Variants in PABIR3 observed in about 807,000 individuals in gnomAD.
PABIR3 encodes PABIR family member 1.
In PABIR3, 20 loss-of-function variants were observed where a neutral mutation model predicts 23.1. The observed-to-expected ratio is 0.86, with a 90% CI of 0.61 to 1.26. PABIR3 has a LOEUF of 1.26. Among genes scored for constraint, PABIR3 ranks in the 50% most tolerant of loss-of-function variants. PABIR3 has a pLI of 0.00. For missense variants in PABIR3, 189 were observed against 195.4 expected, an observed-to-expected ratio of 0.97 and a Z score of 0.20; for synonymous variants, 69 against 68.5, an observed-to-expected ratio of 1.01 and a Z score of -0.04.
chrX:134,845,553 TTTTTAA>T (rs1449916308), intron 6 of PABIR3, 152 bp downstream of exon 6: 4 of 483,242 alleles, frequency 8.3e-6, no homozygotes, highest in Non-Finnish European at 1.3e-5. Flanking sequence ...TTGAGTGCTC[TTTTTAA>T]TTTTTTTTTT....
chrX:134,809,430 G>C, intron 2 of PABIR3: 1 of 670,632 alleles, frequency 1.5e-6, no homozygotes, highest in Non-Finnish European at 1.8e-6. Flanking sequence ...CTCCCAAAGT[G>C]TTGGGATTAC....
upstream of PABIR3, among the ~76,000 whole-genome samples, chrX:134,803,809 T>C (rs1603116999): frequency 8.9e-6 from 1 of 111,883 alleles, no homozygotes; most frequent in East Asian, 2.8e-4. Context: ...ATGCATGCAC[T>C]GACCTCAGGA....
intron 3 of PABIR3, among the ~76,000 whole-genome samples, chrX:134,824,500 TAAA>T (rs1484443413): frequency 1.8e-5 from 2 of 112,033 alleles, no homozygotes; most frequent in African/African-American, 3.2e-5. Context: ...CTATTTCTGT[TAAA>T]AACAAAAAGA....
intron 4 of PABIR3, among the ~76,000 whole-genome samples, chrX:134,830,030 A>T (rs2081697789): frequency 2.7e-5 from 3 of 111,707 alleles, no homozygotes; most frequent in Non-Finnish European, 5.6e-5. Flanking sequence ...GTCTCATTTT[A>T]TCTTACAACA....
At chrX:134,845,457 G>A in intron 6 of PABIR3, 56 bp downstream of exon 6, 1 of 940,502 alleles carries the variant, frequency 1.1e-6, no homozygotes, top group Admixed American at 3.1e-5. Context: ...CTGACTTACA[G>A]TGTCGGCATA....
chrX:134,811,092 A>G, intron 2 of PABIR3: 1 of 750,342 alleles, frequency 1.3e-6, no homozygotes, highest in Non-Finnish European at 1.6e-6. Flanking sequence ...TGTTTCTTTC[A>G]TATCAACTCT....
At chrX:134,822,536 C>G in intron 3 of PABIR3, 1 of 754,168 alleles carries the variant, frequency 1.3e-6, no homozygotes, top group Non-Finnish European at 1.6e-6. Flanking sequence ...AGTCTATCTT[C>G]TCATGATTTC....
chrX:134,813,343 A>G (rs2080780049), intron 2 of PABIR3, among the ~76,000 whole-genome samples: 1 of 112,355 alleles, frequency 8.9e-6, no homozygotes. Flanking sequence ...GAGAAGGGAA[A>G]GAAGAGAGGC....
At chrX:134,817,073 C>T (rs1381367032) in intron 3 of PABIR3, among the ~76,000 whole-genome samples, 1 of 111,350 alleles carries the variant, frequency 9.0e-6, no homozygotes, top group Non-Finnish European at 1.9e-5. Flanking sequence ...ACTGGGGAGG[C>T]TGAGGCAGGA....
chrX:134,840,121 G>C (rs1325509413), intron 4 of PABIR3, among the ~76,000 whole-genome samples: 2 of 111,536 alleles, frequency 1.8e-5, no homozygotes, highest in Non-Finnish European at 3.8e-5. Context: ...GATTAAGGGC[G>C]GTGCAAGATG....
chrX:134,798,940 C>T lies in PABIR3; in HGVS notation c.-98+2076C>T, dbSNP rs149388265. Among the ~76,000 whole-genome samples the T allele has an allele frequency of 1.1e-3, 125 of 112,230 alleles. No individual in the cohort carries two copies. The East Asian group carries it at 0.027, about 24-fold the overall frequency. On this transcript the variant is annotated intron_variant, in intron 1 of 4. Transcript: ENST00000414371. Reference sequence around the variant, plus strand: ...GGCAAACAAACAAACAAACAAACCCCACAACCATTTGCAGTGTGACTGTTT... The same window carrying T: ...GGCAAACAAACAAACAAACAAACCCTACAACCATTTGCAGTGTGACTGTTT...
rs539687201 is a variant in PABIR3, at chrX:134,797,550, T to C, written c.-98+686T>C. On this transcript the variant is annotated intron_variant, in intron 1 of 4. Transcript: ENST00000414371. ...TTTGTTGGTCTTTGTCTGCAGGGGC[T>C]GATTTCTTTTTCAGATCATCCATTC... is the stretch of plus-strand genomic sequence containing the variant. 9.8e-5 allele frequency among the ~76,000 whole-genome samples: 11 copies of C among 112,006 alleles called. No homozygotes were observed. In the South Asian group the frequency reaches 4.1e-3, roughly 41 times the overall value.
chrX:134,797,833 A>T (rs1372638849), intron 1 of PABIR3, among the ~76,000 whole-genome samples: 15 of 96,809 alleles, frequency 1.5e-4, no homozygotes, highest in South Asian at 1.4e-3. Context: ...TTTTTTTTTT[A>T]AACAGAGTCT....
upstream of PABIR3, among the ~76,000 whole-genome samples, chrX:134,805,810 TC>T (rs2080205301): frequency 9.1e-6 from 1 of 110,473 alleles, no homozygotes; most frequent in Admixed American, 9.6e-5. Context: ...GTCAGGAGAA[TC>T]GCTTGAACCA....
intron 2 of PABIR3, chrX:134,810,530 C>G: frequency 1.3e-6 from 1 of 753,535 alleles, no homozygotes; most frequent in Non-Finnish European, 1.6e-6. Context: ...AGGGGACTTG[C>G]CCAGATGATC....
At chrX:134,828,047 C>CTCTCTCTCTCTCTATATATA (rs1466733144) in intron 3 of PABIR3, among the ~76,000 whole-genome samples, 4 of 49,420 alleles carry the variant, frequency 8.1e-5, no homozygotes, top group African/African-American at 3.3e-4. Context: ...CTCTCTCTCT[C>CTCTCTCTCTCTCTATATATA]TATATATATA....
intron 2 of PABIR3, chrX:134,808,186 A>AT (rs11298472): frequency 0.016 from 3,568 of 220,336 alleles, 4 homozygotes; most frequent in Non-Finnish European, 0.02. Flanking sequence ...ACTTTTTTAC[A>AT]TTTTTTTTTT....
intron 4 of PABIR3, among the ~76,000 whole-genome samples, chrX:134,831,067 T>C (rs1488893318): frequency 1.8e-5 from 2 of 110,162 alleles, no homozygotes; most frequent in East Asian, 5.7e-4. Context: ...TATTTCTTTT[T>C]TTTTTTTCTT....
chrX:134,828,047 C>CTCTCTCTCTCTA (rs1466733144), intron 3 of PABIR3, among the ~76,000 whole-genome samples: 5 of 49,409 alleles, frequency 1.0e-4, no homozygotes, highest in African/African-American at 4.1e-4. Context: ...CTCTCTCTCT[C>CTCTCTCTCTCTA]TATATATATA....
Sources: allele counts gnomAD v4.1 joint callset (sites outside exome capture counted in the v4.1 genomes callset), GRCh38; gene constraint gnomAD v4.1.1; transcripts MANE v1.5; gene names NCBI Gene and HGNC (gene_info 2026-07-23, HGNC 2026-07-21).